The following CTU2 variants were observed in gnomAD, a reference collection of about 807,000 sequenced individuals.
CTU2 encodes the protein cytosolic thiouridylase subunit 2.
CTU2 carries 80 observed loss-of-function variants against 64.1 expected under a neutral mutation model. The observed-to-expected ratio is 1.25, with a 90% CI of 1.04 to 1.50. The LOEUF is 1.50. Ranked by LOEUF, CTU2 falls within the 40% of genes most tolerant of loss-of-function variation. CTU2 has a pLI of 0.00. For synonymous variants in CTU2, 482 were observed against 285.3 expected, an observed-to-expected ratio of 1.69 and a Z score of -6.95; for missense variants, 1,110 against 690.2, an observed-to-expected ratio of 1.61 and a Z score of -6.81.
Position 88,713,742 on chromosome 16 carries a change from C to A in CTU2, c.969C>A (p.Ser323=), listed in dbSNP as rs2340974. The A allele has an allele frequency of 3.7e-6, 6 of 1,612,602 alleles. No homozygotes were observed. Among genetic ancestry groups the A allele is most frequent in the South Asian group, 1.1e-5 (1 of 91,088 alleles). Residue 323 remains serine (S), a synonymous_variant, in exon 9 of 15, where the codon TCC becomes TCA. Coordinates refer to ENST00000453996, the MANE Select transcript of CTU2 (RefSeq NM_001012759.3). ...TCGCTTTCTACAACCGCCTGTTCTC[C>A]GTTCCTTCTGTCTTCACACCAGCCG... ...KEVAFYNRLF[S]VPSVFTPAVD...
chr16:88,713,499 G>A (rs775151560), intron 8 of CTU2, 52 bp downstream of exon 8: 13 of 1,549,664 alleles, frequency 8.4e-6, no homozygotes, highest in South Asian at 6.0e-5. Context: ...TCACCCCTTC[G>A]GCCACCTTTA....
chr16:88,710,195 G>C lies in CTU2; in HGVS notation c.223-28G>C, dbSNP rs775716328. The C allele has an allele frequency of 3.7e-6, 6 of 1,613,612 alleles. No individual in the cohort carries two copies. The South Asian group carries it at 5.5e-5, about 15-fold the overall frequency. Reference sequence around the variant, plus strand: ...TGTCTGCCTGTGTTGGAGGTGCGGTGCCCTGAGTGATGTTTTTTCTCCCCC... The same window carrying C: ...TGTCTGCCTGTGTTGGAGGTGCGGTCCCCTGAGTGATGTTTTTTCTCCCCC... On this transcript the variant is annotated intron_variant, in intron 3 of 14. Transcript: ENST00000453996.
chr16:88,714,704 G>A lies in CTU2; in HGVS notation c.1319G>A (p.Trp440Ter), dbSNP rs770522461. Residue 440 changes from tryptophan to a stop codon, truncating the protein, a stop_gained, in exon 12 of 15, where the codon TGG becomes TAG. Transcript: ENST00000453996. LOFTEE classifies it high-confidence loss of function. ...PGPCCSPGVGWAQRCGQGACR... is the reference protein window; with the variant it reads ...PGPCCSPGVG ...CCCTGCTGTTCTCCAGGGGTGGGCT[G>A]GGCCCAGCGCTGTGGCCAGGGGGCC... 6.2e-7 allele frequency: 1 copy of A among 1,610,962 alleles called. No individual in the cohort carries two copies. The highest frequency in any genetic ancestry group is 8.5e-7 in the Non-Finnish European group (1 of 1,179,158).
chr16:88,714,227 G>GGTGTGGGTGT lies in CTU2; in HGVS notation c.1097+14_1097+23dup, dbSNP rs1555551063. The GGTGTGGGTGT allele has an allele frequency of 3.8e-4, 157 of 418,630 alleles. 1 individual carries two copies. Among genetic ancestry groups the GGTGTGGGTGT allele is most frequent in the Non-Finnish European group, 4.4e-4 (147 of 333,582 alleles). 25.9% of individuals were successfully genotyped at this position (418,630 alleles called of 1,614,324 possible). ...CCCTCCACTGTCAGCACTGTGTACAGGTGTGGGTGTGTGTGGGTGTGTGCG... is the reference window on the plus strand; with the variant it reads ...CCCTCCACTGTCAGCACTGTGTACAGGTGTGGGTGTGTGTGGGTGTGTGTGGGTGTGTGCG... On this transcript the variant is annotated frameshift_variant and splice_region_variant. Coordinates refer to ENST00000453996, the MANE Select transcript of CTU2 (RefSeq NM_001012759.3). LOFTEE classifies it high-confidence loss of function.
intron 4 of CTU2, chr16:88,710,536 C>T (rs1043725351): frequency 3.3e-5 from 16 of 489,960 alleles, no homozygotes; most frequent in Non-Finnish European, 5.1e-5. Flanking sequence ...GTCCACAGCG[C>T]GTGTGTGCGG....
rs1281362334 is a variant in CTU2 at position 88,713,348 on chromosome 16, C to T, written c.774C>T (p.Gly258=). 1.3e-6 allele frequency: 2 copies of T among 1,587,496 alleles called. No homozygotes were observed. Among genetic ancestry groups the T allele is most frequent in the Non-Finnish European group, 1.7e-6 (2 of 1,167,830 alleles). Residue 258 remains glycine, a synonymous_variant, in exon 8 of 15, where the codon GGC becomes GGT. Coordinates refer to ENST00000453996, the MANE Select transcript of CTU2 (RefSeq NM_001012759.3). ...TCCTCCACATGGCCCGAGCCCACGG[C>T]TACTCCAAGGTCATGACTGGGGACA... ...HLILHMARAH[G]YSKVMTGDSC...
rs777512015 is a variant in CTU2 at position 88,714,730 on chromosome 16, T to G, written c.1345T>G (p.Cys449Gly). The G allele has an allele frequency of 2.5e-6, 4 of 1,607,326 alleles. No homozygotes were observed. Among genetic ancestry groups the G allele is most frequent in the Non-Finnish European group, 2.5e-6 (3 of 1,176,860 alleles). The change falls in exon 12 of 15, where the codon TGC (cysteine) becomes GGC (glycine). Residue 449 changes from cysteine to glycine, a missense_variant. Transcript: ENST00000453996. ...GWAQRCGQGA[C>G]RREDPQACIE... is the part of the protein sequence containing the mutation. ...GGCCCAGCGCTGTGGCCAGGGGGCCTGCAGGAGGTGAGTCCCTGTCCCTGC... is the reference window on the plus strand; with the variant it reads ...GGCCCAGCGCTGTGGCCAGGGGGCCGGCAGGAGGTGAGTCCCTGTCCCTGC...
Position 88,714,881 on chromosome 16 carries a change from T to A in CTU2, c.1374T>A (p.Ile458=), listed in dbSNP as rs774393410. 3 of 1,612,618 alleles carry A rather than the reference T, an allele frequency of 1.9e-6. No homozygotes were observed. The highest frequency in any genetic ancestry group is 2.5e-6 in the Non-Finnish European group (3 of 1,179,874). Residue 458 remains isoleucine (I), a synonymous_variant, in exon 13 of 15, where the codon ATT becomes ATA. Coordinates refer to ENST00000453996, the MANE Select transcript of CTU2 (RefSeq NM_001012759.3). The part of the protein sequence containing the change: ...ACRREDPQAC[I]EEQLCYSCRV... ...GCAGGGAGGACCCCCAAGCCTGCATTGAGGAGCAGCTGTGCTACAGCTGCC... is the reference window on the plus strand; with the variant it reads ...GCAGGGAGGACCCCCAAGCCTGCATAGAGGAGCAGCTGTGCTACAGCTGCC...
intron 8 of CTU2, 45 bp from the exon 9 acceptor site, chr16:88,713,602 A>T (rs1365476115): frequency 2.5e-6 from 4 of 1,592,652 alleles, no homozygotes; most frequent in Non-Finnish European, 3.4e-6. Context: ...AGGGGCAAGC[A>T]CATTCGGGCC....
At chr16:88,706,648 C>T (rs940243677) in intron 1 of CTU2, 50 bp downstream of exon 1, 1 of 1,290,698 alleles carries the variant, frequency 7.7e-7, no homozygotes, top group African/African-American at 1.6e-5. Flanking sequence ...CTTCCCGCCG[C>T]ACTCCTGCCC....
At chr16:88,709,873 C>T (rs965385938) in intron 2 of CTU2, 65 bp from the exon 3 acceptor site, 22 of 1,348,574 alleles carry the variant, frequency 1.6e-5, no homozygotes, top group African/African-American at 1.3e-4. Context: ...CACCTGGCAG[C>T]GCCTCAGGAC....
chr16:88,707,727 G>A (rs541640168), intron 2 of CTU2, among the ~76,000 whole-genome samples: 1 of 152,124 alleles, frequency 6.6e-6, no homozygotes, highest in Non-Finnish European at 1.5e-5. Context: ...TAGACTCATA[G>A]CTCCCTGAAG....
intron 14 of CTU2, 22 bp from the exon 15 acceptor site, chr16:88,715,160 C>G: frequency 2.5e-6 from 4 of 1,610,474 alleles, no homozygotes; most frequent in Non-Finnish European, 3.4e-6. Context: ...GGGGCTGGTG[C>G]CCACTGCAGC....
chr16:88,715,087 G>A lies in CTU2; in HGVS notation c.1459G>A (p.Ala487Thr), dbSNP rs761135199. 8 of 1,578,612 alleles carry A rather than the reference G, an allele frequency of 5.1e-6. No individual in the cohort carries two copies. In the African/African-American group the frequency reaches 9.4e-5, roughly 19 times the overall value. The part of the protein sequence containing the change: ...DPLPPYILAE[A>T]QLRTQRAWGL... ...CCTGCCGCCGTACATCCTGGCTGAG[G>A]CCCAGCTCCGCACACAGAGGTACTG... Residue 487 changes from alanine to threonine, a missense_variant, in exon 14 of 15, where the codon GCC becomes ACC. Coordinates refer to ENST00000453996, the MANE Select transcript of CTU2 (RefSeq NM_001012759.3).
intron 4 of CTU2, 135 bp downstream of exon 4, chr16:88,710,417 T>C: frequency 1.2e-6 from 1 of 815,760 alleles, no homozygotes; most frequent in Non-Finnish European, 2.0e-6. Context: ...ACTTGGGGGG[T>C]TCTCAGATGT....
At chr16:88,714,256 G>A (rs528606137) in intron 10 of CTU2, 29 bp downstream of exon 10, 5 of 1,598,146 alleles carry the variant, frequency 3.1e-6, no homozygotes, top group Non-Finnish European at 4.3e-6. Flanking sequence ...GTGTGCGGGG[G>A]GTGCGCGGGT....
At position 88,711,683 on chromosome 16, in the gene CTU2, A is replaced by T. The variant is rs1911332471; in HGVS notation, c.331A>T (p.Ile111Phe). Residue 111 changes from isoleucine (I) to phenylalanine (F), a missense_variant, in exon 5 of 15, where the codon ATC (isoleucine) becomes TTC (phenylalanine). Coordinates refer to ENST00000453996, the MANE Select transcript of CTU2 (RefSeq NM_001012759.3). Reference sequence around the variant, plus strand: ...AAGACTGCGCTTTGTGGCAGGAGTCATCTTTGTTGACGGTATGTGGGGCCA... The same window carrying T: ...AAGACTGCGCTTTGTGGCAGGAGTCTTCTTTGTTGACGGTATGTGGGGCCA... ...AKRLRFVAGV[I>F]FVDEGAACGQ... 6.2e-6 allele frequency: 10 copies of T among 1,608,486 alleles called. No homozygotes were observed. Among genetic ancestry groups the T allele is most frequent in the Non-Finnish European group, 8.5e-6 (10 of 1,176,536 alleles).
intron 4 of CTU2, chr16:88,710,693 C>G (rs1010462597): frequency 5.4e-6 from 1 of 186,430 alleles, no homozygotes; most frequent in African/African-American, 2.4e-5. Context: ...CACTTGACTT[C>G]TGTCCATTTG....
In CTU2 at chr16:88,714,489, CTG is replaced by C. The variant is rs770862024; in HGVS notation, c.1201+7_1201+8del. On this transcript the variant is annotated splice_donor_5th_base_variant and intron_variant, in intron 11 of 14. Transcript: ENST00000453996. Reference sequence around the variant, plus strand: ...TGCCCTGGACGTCGACGCCGCTGGTCTGTGTTTCATGCTCTTGGGGTGATGCG... The same window carrying C: ...TGCCCTGGACGTCGACGCCGCTGGTCTGTTTCATGCTCTTGGGGTGATGCG... 216 of 1,612,482 alleles carry C rather than the reference CTG, an allele frequency of 1.3e-4. No individual in the cohort carries two copies. Among genetic ancestry groups the C allele is most frequent in the East Asian group, 4.0e-4 (18 of 44,882 alleles).
Sources: gnomAD v4.1 joint callset for allele counts (sites outside exome capture counted in the v4.1 genomes callset) on GRCh38, gnomAD v4.1.1 for gene constraint, MANE v1.5 for transcripts, NCBI Gene and HGNC (gene_info 2026-07-23, HGNC 2026-07-21) for gene names.